Variants in KIAA1217 observed in about 807,000 individuals in gnomAD.
The protein encoded by KIAA1217 is sickle tail protein homolog.
In KIAA1217, 88 loss-of-function variants were observed where a neutral mutation model predicts 163.9. That is an observed-to-expected ratio of 0.54 (90% confidence interval 0.45 to 0.64). The LOEUF is 0.64. KIAA1217 is among the 30% of genes least tolerant of loss of function. The pLI is 0.00. For synonymous variants in KIAA1217, 903 were observed against 923.1 expected (o/e 0.98, Z 0.39); for missense variants, 2,372 against 2,475.0 (o/e 0.96, Z 0.88).
intron 1 of KIAA1217, among the ~76,000 whole-genome samples, chr10:23,862,650 C>T (rs2131138766): frequency 6.6e-6 from 1 of 151,904 alleles, no homozygotes; most frequent in Admixed American, 6.6e-5. Context: ...TTGTAAAGAT[C>T]CAATGTTAAA....
chr10:24,159,687 G>A (rs2065033236), intron 2 of KIAA1217, among the ~76,000 whole-genome samples: 1 of 152,120 alleles, frequency 6.6e-6, no homozygotes, highest in Non-Finnish European at 1.5e-5. Context: ...GGAGGCTGTG[G>A]CAGGAGAATG....
At chr10:24,270,363 T>C (rs2131943480) in intron 2 of KIAA1217, among the ~76,000 whole-genome samples, 1 of 152,320 alleles carries the variant, frequency 6.6e-6, no homozygotes, top group Non-Finnish European at 1.5e-5. Flanking sequence ...GCCATTCTCT[T>C]GGGCTGTTAG....
intron 2 of KIAA1217, among the ~76,000 whole-genome samples, chr10:24,348,311 C>T (rs2048042241): frequency 6.6e-6 from 1 of 151,044 alleles, no homozygotes; most frequent in Admixed American, 6.6e-5. Flanking sequence ...GCACTCTAGC[C>T]TGGGTGACAG....
chr10:24,325,888 A>G (rs1391999596), intron 2 of KIAA1217, among the ~76,000 whole-genome samples: 1 of 152,214 alleles, frequency 6.6e-6, no homozygotes, highest in Non-Finnish European at 1.5e-5. Flanking sequence ...CTCTAAATGA[A>G]TACTTCAATG....
intron 2 of KIAA1217, among the ~76,000 whole-genome samples, chr10:24,316,350 C>T (rs1167350594): frequency 1.3e-5 from 2 of 151,984 alleles, no homozygotes; most frequent in African/African-American, 2.4e-5. Context: ...GAAGGAGTTC[C>T]TAGGATGTGT....
At chr10:24,369,482 G>A (rs2051265670) in intron 2 of KIAA1217, among the ~76,000 whole-genome samples, 1 of 152,040 alleles carries the variant, frequency 6.6e-6, no homozygotes. Flanking sequence ...CTCACTGAGG[G>A]TGAGGGCCTT....
chr10:24,430,229 G>A (rs1380915224), intron 3 of KIAA1217, among the ~76,000 whole-genome samples: 1 of 152,172 alleles, frequency 6.6e-6, no homozygotes, highest in Non-Finnish European at 1.5e-5. Flanking sequence ...TCCTGACTAA[G>A]GAGCTGGCCC....
chr10:23,805,881 T>C (rs1286825312), intron 1 of KIAA1217, among the ~76,000 whole-genome samples: 1 of 149,196 alleles, frequency 6.7e-6, no homozygotes, highest in Non-Finnish European at 1.5e-5. Flanking sequence ...CTGGGCGTGG[T>C]GGTGCATGCC....
chr10:23,818,844 T>C (rs775392990), intron 1 of KIAA1217, among the ~76,000 whole-genome samples: 85 of 152,158 alleles, frequency 5.6e-4, no homozygotes, highest in Non-Finnish European at 9.1e-4. Context: ...CTGGTGACTA[T>C]TTCCTTGCCC....
chr10:23,806,397 A>G (rs1471451979), intron 1 of KIAA1217, among the ~76,000 whole-genome samples: 1 of 152,248 alleles, frequency 6.6e-6, no homozygotes, highest in Non-Finnish European at 1.5e-5. Context: ...CTTTGCTTTT[A>G]GATAATGGCA....
intron 2 of KIAA1217, among the ~76,000 whole-genome samples, chr10:24,238,500 A>G (rs370228917): frequency 1.3e-5 from 2 of 152,208 alleles, no homozygotes; most frequent in Non-Finnish European, 2.9e-5. Flanking sequence ...CTGGTAATTT[A>G]CATAAACTAG....
intron 12 of KIAA1217, among the ~76,000 whole-genome samples, chr10:24,523,050 G>A (rs1266251348): frequency 6.6e-6 from 1 of 152,134 alleles, no homozygotes; most frequent in Admixed American, 6.5e-5. Flanking sequence ...CTACTCAGGA[G>A]GCTGAGATGG....
chr10:23,964,503 A>T (rs1844969052), intron 1 of KIAA1217, among the ~76,000 whole-genome samples: 3 of 151,756 alleles, frequency 2.0e-5, no homozygotes. Flanking sequence ...GCCCATGCCT[A>T]TGTCCTGAAT....
At chr10:23,956,708 G>A (rs1439882025) in intron 1 of KIAA1217, among the ~76,000 whole-genome samples, 2 of 152,152 alleles carry the variant, frequency 1.3e-5, no homozygotes, top group African/African-American at 4.8e-5. Context: ...AGGACCTCAG[G>A]AAGATTCCAG....
At chr10:24,514,298 G>T (rs1484187174) in intron 10 of KIAA1217, among the ~76,000 whole-genome samples, 1 of 152,174 alleles carries the variant, frequency 6.6e-6, no homozygotes, top group Non-Finnish European at 1.5e-5. Flanking sequence ...AATGGGGATT[G>T]TAAGGGAGCA....
intron 1 of KIAA1217, among the ~76,000 whole-genome samples, chr10:23,790,442 T>C (rs1445936941): frequency 9.1e-6 from 1 of 109,790 alleles, no homozygotes; most frequent in Non-Finnish European, 1.7e-5. Flanking sequence ...TATACATATA[T>C]ACATATATAC....
At chr10:24,321,118 G>GA (rs1245765568) in intron 2 of KIAA1217, among the ~76,000 whole-genome samples, 1 of 151,784 alleles carries the variant, frequency 6.6e-6, no homozygotes, top group Non-Finnish European at 1.5e-5. Context: ...CGGTTCCTCA[G>GA]AAAAAAATAA....
At chr10:24,273,919 C>G (rs2077015606) in intron 2 of KIAA1217, among the ~76,000 whole-genome samples, 1 of 151,318 alleles carries the variant, frequency 6.6e-6, no homozygotes, top group Non-Finnish European at 1.5e-5. Flanking sequence ...TCAAGTTGAG[C>G]AATATTCCCA....
intron 2 of KIAA1217, among the ~76,000 whole-genome samples, chr10:24,133,627 A>T (rs2063735857): frequency 6.6e-6 from 1 of 152,058 alleles, no homozygotes; most frequent in African/African-American, 2.4e-5. Context: ...CTTTACTTCA[A>T]CCCTGGGGAT....
Sources: gnomAD v4.1 joint callset for allele counts (sites outside exome capture counted in the v4.1 genomes callset) on GRCh38, gnomAD v4.1.1 for gene constraint, MANE v1.5 for transcripts, NCBI Gene and HGNC (gene_info 2026-07-23, HGNC 2026-07-21) for gene names.